The following TAF1B variants were observed in gnomAD, a reference collection of about 807,000 sequenced individuals.
The protein encoded by TAF1B is TATA-box binding protein associated factor, RNA polymerase I subunit B.
Under a neutral mutation model 83.9 loss-of-function variants are expected in TAF1B, and 61 were observed. That is an observed-to-expected ratio of 0.73 (90% CI 0.59 to 0.90). TAF1B has a LOEUF of 0.90. Ranked by LOEUF, TAF1B falls within the 40% of genes least tolerant of loss-of-function variation. The pLI is 0.00. For missense variants in TAF1B, 625 were observed against 677.0 expected (o/e 0.92, Z 0.85); for synonymous variants, 221 against 224.6 (o/e 0.98, Z 0.14).
In TAF1B at chr2:9,929,960, A is replaced by G. The variant is rs141843073; in HGVS notation, c.1566-3823A>G. On this transcript the variant is annotated intron_variant, in intron 14 of 14. Transcript: ENST00000263663. ...TTTATTCATTTTTTCTAGATTTTCT[A>G]GTTTATTTGCATAGAGGTATTTATA... Among the ~76,000 whole-genome samples the G allele has an allele frequency of 8.5e-3, 1,287 of 152,236 alleles. 9 individuals carry two copies. Among genetic ancestry groups the G allele is most frequent in the Middle Eastern group, 0.017 (5 of 294 alleles).
chr2:9,850,685 C>CT (rs1663356771), intron 3 of TAF1B, among the ~76,000 whole-genome samples: 1 of 152,134 alleles, frequency 6.6e-6, no homozygotes, highest in Non-Finnish European at 1.5e-5. Flanking sequence ...TGATAACAAG[C>CT]TTTTGGAAGA....
chr2:9,871,604 A>G (rs1218506026), intron 6 of TAF1B, among the ~76,000 whole-genome samples: 1 of 152,142 alleles, frequency 6.6e-6, no homozygotes, highest in Non-Finnish European at 1.5e-5. Flanking sequence ...TAAGATAGCT[A>G]TTCTTACTTA....
chr2:9,872,452 T>G (rs1165722738), intron 6 of TAF1B, among the ~76,000 whole-genome samples: 1 of 152,170 alleles, frequency 6.6e-6, no homozygotes, highest in Non-Finnish European at 1.5e-5. Flanking sequence ...TTCCTGAGCC[T>G]TCTTTAGGGA....
At position 9,914,852 on chromosome 2, in the gene TAF1B, TG is replaced by T. The variant is rs1462930912; in HGVS notation, c.1271+1604del. On this transcript the variant is annotated intron_variant, in intron 12 of 14. Transcript: ENST00000263663. The surrounding 1 kb of genome is among the most constrained non-coding windows in gnomAD (Gnocchi z 4.3). ...TAATATGCGAAGCACTACCAACTGC[TG>T]CTCAGGCCCAGAGCTCAGTGCGTGG... Among the ~76,000 whole-genome samples the T allele has an allele frequency of 1.3e-5, 2 of 152,190 alleles. No homozygotes were observed. Among genetic ancestry groups the T allele is most frequent in the East Asian group, 3.8e-4 (2 of 5,196 alleles).
intron 8 of TAF1B, 115 bp from the exon 9 acceptor site, chr2:9,904,744 C>A: frequency 2.0e-6 from 2 of 1,022,184 alleles, no homozygotes; most frequent in Non-Finnish European, 2.8e-6. Flanking sequence ...CACAACTTCA[C>A]CAGCATCTGT....
At chr2:9,866,957 G>A (rs1663999666) in intron 5 of TAF1B, among the ~76,000 whole-genome samples, 1 of 151,764 alleles carries the variant, frequency 6.6e-6, no homozygotes, top group Non-Finnish European at 1.5e-5. Context: ...GAGGGGGGAG[G>A]GATAGCATTA....
intron 8 of TAF1B, among the ~76,000 whole-genome samples, chr2:9,900,069 A>G (rs189912453): frequency 9.2e-5 from 14 of 152,336 alleles, no homozygotes; most frequent in Admixed American, 5.2e-4. Flanking sequence ...ATCTCGTGGC[A>G]TTAGAAAATT....
At chr2:9,852,429 T>A (rs1016949853) in intron 4 of TAF1B, among the ~76,000 whole-genome samples, 5 of 152,174 alleles carry the variant, frequency 3.3e-5, no homozygotes, top group African/African-American at 1.2e-4. Flanking sequence ...TCCAGCCTAG[T>A]TGGGGAGAGG....
At chr2:9,892,311 A>C (rs1317452982) in intron 8 of TAF1B, among the ~76,000 whole-genome samples, 1 of 152,208 alleles carries the variant, frequency 6.6e-6, no homozygotes. Flanking sequence ...CACTCTTCAC[A>C]CAATGAAATT....
chr2:9,913,344 T>C, intron 12 of TAF1B, 95 bp downstream of exon 12: 1 of 957,776 alleles, frequency 1.0e-6, no homozygotes, highest in Non-Finnish European at 1.6e-6. Context: ...TACACTTATC[T>C]ACATTGTGAC....
rs369819502 is a variant in TAF1B at position 9,903,019 on chromosome 2, C to T, written c.808-1840C>T. On this transcript the variant is annotated intron_variant, in intron 8 of 14. Transcript: ENST00000263663. ...TTTTTATTTCTGAGATTATCTTATT[C>T]ATGTTTTTATTTCTCAAAGTACTTT... Among the ~76,000 whole-genome samples, 21 of 152,258 alleles carry T rather than the reference C, an allele frequency of 1.4e-4. No individual in the cohort carries two copies. The East Asian group carries it at 3.9e-3, about 28-fold the overall frequency.
chr2:9,851,713 A>C, intron 4 of TAF1B, 75 bp downstream of exon 4: 2 of 1,193,214 alleles, frequency 1.7e-6, no homozygotes, highest in Non-Finnish European at 2.4e-6. Flanking sequence ...AGTGGAACTA[A>C]GGAGAAATCA....
At chr2:9,903,366 T>A (rs1665242406) in intron 8 of TAF1B, among the ~76,000 whole-genome samples, 2 of 152,306 alleles carry the variant, frequency 1.3e-5, no homozygotes, top group Admixed American at 1.3e-4. Context: ...ATTACAGGTG[T>A]GGGCCACCGT....
At position 9,916,245 on chromosome 2, in the gene TAF1B, T is replaced by C. The variant is rs995295592; in HGVS notation, c.1272-2796T>C. Among the ~76,000 whole-genome samples, 6 of 152,210 alleles carry C rather than the reference T, an allele frequency of 3.9e-5. No homozygotes were observed. In the South Asian group the frequency reaches 1.2e-3, roughly 32 times the overall value. On this transcript the variant is annotated intron_variant, in intron 12 of 14. Coordinates refer to ENST00000263663, the MANE Select transcript of TAF1B (RefSeq NM_005680.3). ...TAATTTTTAAAAATGAGGAAACATA[T>C]GCAGACAGACAAGAGAGAAATATAT...
chr2:9,885,349 A>G (rs80003650), intron 8 of TAF1B, among the ~76,000 whole-genome samples: 2,048 of 152,336 alleles, frequency 0.013, 44 homozygotes, highest in African/African-American at 0.046. Flanking sequence ...TAAACTATAC[A>G]TGACACAAAT....
rs1326168881 is a variant in TAF1B, at chr2:9,856,217, G to T, written c.399+1796G>T. Among the ~76,000 whole-genome samples the T allele has an allele frequency of 2.6e-5, 4 of 151,798 alleles. No homozygotes were observed. The East Asian group carries it at 5.8e-4, about 22-fold the overall frequency. On this transcript the variant is annotated intron_variant, in intron 5 of 14. Coordinates refer to ENST00000263663, the MANE Select transcript of TAF1B (RefSeq NM_005680.3). ...GTGATACCAATCCTAAGAATGAGAA[G>T]TTTAGAGTAGTCAAGTCGTACGGGA...
At chr2:9,858,967 A>G (rs555911841) in intron 5 of TAF1B, among the ~76,000 whole-genome samples, 43 of 152,074 alleles carry the variant, frequency 2.8e-4, no homozygotes, top group South Asian at 1.2e-3. Flanking sequence ...GACTATTAAC[A>G]TTCACTCCTC....
In TAF1B at chr2:9,851,528, A is replaced by G. The variant is rs760277090; in HGVS notation, c.206-13A>G. On this transcript the variant is annotated splice_polypyrimidine_tract_variant and intron_variant, in intron 3 of 14. Transcript: ENST00000263663. ...AGGAATGTATATGCTAAAACATGCT[A>G]TTTGTCATTTAGAAAAAGGCTGGGA... 2.5e-6 allele frequency: 4 copies of G among 1,586,820 alleles called. No individual in the cohort carries two copies. The highest frequency in any genetic ancestry group is 2.6e-6 in the Non-Finnish European group (3 of 1,166,976).
chr2:9,918,004 G>A (rs1239863384), intron 12 of TAF1B, among the ~76,000 whole-genome samples: 22 of 150,594 alleles, frequency 1.5e-4, no homozygotes, highest in African/African-American at 2.7e-4. Context: ...CCCGGGAGGC[G>A]GAGCTTGCAG....
Sources: allele counts gnomAD v4.1 joint callset (sites outside exome capture counted in the v4.1 genomes callset), GRCh38; gene constraint gnomAD v4.1.1; non-coding constraint Gnocchi (gnomAD v3.1); transcripts MANE v1.5; gene names NCBI Gene and HGNC (gene_info 2026-07-23, HGNC 2026-07-21).